CLASP1: variants seen among roughly 807,000 people sequenced by gnomAD.
CLASP1 encodes the protein CLIP-associating protein 1.
Under a neutral mutation model 192.3 loss-of-function variants are expected in CLASP1, and 38 were observed. The observed-to-expected ratio is 0.20, with a 90% confidence interval of 0.15 to 0.26. The LOEUF (loss-of-function observed/expected upper bound fraction) is 0.26. Among genes scored for constraint, CLASP1 ranks in the 10% least tolerant of loss-of-function variants. CLASP1 has a pLI of 1.00. For missense variants in CLASP1, 1,433 were observed against 1,932.5 expected (o/e 0.74, Z 4.85); for synonymous variants, 691 against 712.8 (o/e 0.97, Z 0.49).
intron 22 of CLASP1, among the ~76,000 whole-genome samples, chr2:121,422,053 A>G (rs1574612558): frequency 6.6e-6 from 1 of 152,164 alleles, no homozygotes; most frequent in Non-Finnish European, 1.5e-5. Flanking sequence ...ATTCCTAGGT[A>G]CCTCTGGGGT....
At chr2:121,524,838 G>A (rs1241078260) in intron 6 of CLASP1, among the ~76,000 whole-genome samples, 2 of 152,212 alleles carry the variant, frequency 1.3e-5, no homozygotes, top group South Asian at 4.1e-4. Flanking sequence ...ACGACAGGCA[G>A]TGAGGAGGGG....
rs1228201209 is a variant in CLASP1, at chr2:121,533,082, G to A, written c.196-2757C>T. Among the ~76,000 whole-genome samples the A allele has an allele frequency of 2.6e-5, 4 of 152,158 alleles. No homozygotes were observed. The East Asian group carries it at 7.7e-4, about 29-fold the overall frequency. On this transcript the variant is annotated intron_variant, in intron 2 of 39. Coordinates refer to ENST00000263710, the Ensembl canonical transcript of CLASP1. ...GGGAAAGCTGACGTCAGCTTTTCCA[G>A]GATGGCAGTTTACTTGGTAGGTCTG...
chr2:121,522,414 C>G (rs1364632098), intron 6 of CLASP1, among the ~76,000 whole-genome samples: 1 of 152,154 alleles, frequency 6.6e-6, no homozygotes, highest in African/African-American at 2.4e-5. Flanking sequence ...TGACCAAAGC[C>G]TAGGGCTTCC....
chr2:121,389,909 C>A (rs2074049035), intron 30 of CLASP1, among the ~76,000 whole-genome samples: 2 of 152,160 alleles, frequency 1.3e-5, no homozygotes, highest in African/African-American at 4.8e-5. Context: ...ATTGCCCAGG[C>A]TGGAGTGCAG....
chr2:121,597,871 C>T lies in CLASP1; in HGVS notation c.195+7830G>A, dbSNP rs1453755999. ...TGAGAAAGCTGCGTAGCATAAGTCCCCCCCCAATTCCCTCCAGTTGCATAG... is the reference window on the plus strand; with the variant it reads ...TGAGAAAGCTGCGTAGCATAAGTCCTCCCCCAATTCCCTCCAGTTGCATAG... On this transcript the variant is annotated intron_variant, in intron 2 of 39. Transcript: ENST00000263710. Among the ~76,000 whole-genome samples the T allele has an allele frequency of 2.6e-5, 4 of 152,242 alleles. No homozygotes were observed. The South Asian group carries it at 8.3e-4, about 32-fold the overall frequency.
At chr2:121,352,514 A>G (rs1346707137) in intron 37 of CLASP1, among the ~76,000 whole-genome samples, 1 of 152,194 alleles carries the variant, frequency 6.6e-6, no homozygotes, top group East Asian at 1.9e-4. Flanking sequence ...TTTTACCCCG[A>G]CAAAGGCAGC....
chr2:121,460,983 TG>T, intron 11 of CLASP1, 117 bp downstream of exon 11: 1 of 665,856 alleles, frequency 1.5e-6, no homozygotes, highest in Non-Finnish European at 2.6e-6. Context: ...TATGATAATT[TG>T]AACTTAAAAT....
chr2:121,600,669 GT>G (rs1486796464), intron 2 of CLASP1, among the ~76,000 whole-genome samples: 1 of 152,168 alleles, frequency 6.6e-6, no homozygotes, highest in Non-Finnish European at 1.5e-5. Flanking sequence ...TGTATAACTT[GT>G]TTATTTATCA....
chr2:121,355,421 G>A (rs2065210924), intron 37 of CLASP1, among the ~76,000 whole-genome samples: 1 of 152,132 alleles, frequency 6.6e-6, no homozygotes, highest in African/African-American at 2.4e-5. Context: ...GAGCCACCAC[G>A]CCCGGATGAT....
chr2:121,458,064 T>C (rs1397432930), intron 13 of CLASP1, among the ~76,000 whole-genome samples: 1 of 152,172 alleles, frequency 6.6e-6, no homozygotes, highest in Non-Finnish European at 1.5e-5. Flanking sequence ...AAAGGAGTCA[T>C]CAGACCAATA....
chr2:121,403,782 C>G (rs369408121), intron 26 of CLASP1: 560 of 468,118 alleles, frequency 1.2e-3, no homozygotes, highest in Non-Finnish European at 2.1e-3. Flanking sequence ...GGGACTCTCT[C>G]ATCAAAAAAA....
At chr2:121,435,562 C>T (rs1385519986) in intron 19 of CLASP1, among the ~76,000 whole-genome samples, 1 of 152,232 alleles carries the variant, frequency 6.6e-6, no homozygotes, top group East Asian at 1.9e-4. Context: ...GCGTGAGCCA[C>T]CATGCCCGCC....
chr2:121,416,103 T>G (rs562750498), intron 23 of CLASP1, among the ~76,000 whole-genome samples: 31 of 152,346 alleles, frequency 2.0e-4, no homozygotes, highest in African/African-American at 7.5e-4. Context: ...TGAAATAGTT[T>G]TTAAGCAGTA....
At chr2:121,527,523 G>A (rs956002229) in intron 5 of CLASP1, among the ~76,000 whole-genome samples, 5 of 152,178 alleles carry the variant, frequency 3.3e-5, no homozygotes, top group South Asian at 2.1e-4. Context: ...GAAGGAGCCC[G>A]GCAGTGACTG....
intron 18 of CLASP1, among the ~76,000 whole-genome samples, chr2:121,447,957 A>G (rs1222690389): frequency 6.6e-6 from 1 of 152,198 alleles, no homozygotes; most frequent in Non-Finnish European, 1.5e-5. Context: ...AACGCCACCA[A>G]GATGTCTTCA....
intron 13 of CLASP1, among the ~76,000 whole-genome samples, chr2:121,458,504 A>T (rs947625383): frequency 3.9e-5 from 6 of 152,202 alleles, no homozygotes; most frequent in African/African-American, 1.4e-4. Flanking sequence ...ACTGGGACTA[A>T]GGAGGTAAGA....
intron 34 of CLASP1, among the ~76,000 whole-genome samples, chr2:121,372,669 T>C (rs2068997534): frequency 6.6e-6 from 1 of 152,242 alleles, no homozygotes; most frequent in Admixed American, 6.5e-5. Flanking sequence ...TCATGCCCTA[T>C]TCAATCCCAC....
intron 2 of CLASP1, among the ~76,000 whole-genome samples, chr2:121,573,550 T>C (rs888028990): frequency 6.6e-6 from 1 of 152,258 alleles, no homozygotes; most frequent in Non-Finnish European, 1.5e-5. Flanking sequence ...AATTGATATT[T>C]GTTCCTATTA....
intron 7 of CLASP1, among the ~76,000 whole-genome samples, chr2:121,513,632 C>G (rs1041498521): frequency 1.3e-5 from 2 of 152,142 alleles, no homozygotes; most frequent in African/African-American, 4.8e-5. Flanking sequence ...CAATCATAGT[C>G]ACAGCTGTGA....
Sources: gnomAD v4.1 joint callset for allele counts (sites outside exome capture counted in the v4.1 genomes callset) on GRCh38, gnomAD v4.1.1 for gene constraint, MANE v1.5 for transcripts, NCBI Gene and HGNC (gene_info 2026-07-23, HGNC 2026-07-21) for gene names.